CNTN4: variants seen among roughly 807,000 people sequenced by gnomAD.
CNTN4 encodes the protein contactin-4.
A neutral mutation model predicts 122.5 loss-of-function variants in CNTN4; 77 were observed. That is an observed-to-expected ratio of 0.63 (90% CI 0.52 to 0.76). CNTN4 has a LOEUF of 0.76. CNTN4 is among the 30% of genes least tolerant of loss of function. The pLI is 0.00. For missense variants in CNTN4, 1,256 were observed against 1,259.1 expected (o/e 1.00, Z 0.04); for synonymous variants, 512 against 447.0 (o/e 1.15, Z -1.83).
chr3:2,791,303 G>A (rs769947947), intron 6 of CNTN4, among the ~76,000 whole-genome samples: 3 of 152,120 alleles, frequency 2.0e-5, no homozygotes, highest in South Asian at 2.1e-4. Flanking sequence ...AAGCCAAGGC[G>A]GGCTGATCAC....
In CNTN4 at chr3:2,428,910, G is replaced by T. The variant is rs536315312; in HGVS notation, c.-89+89677G>T. 7.9e-5 allele frequency among the ~76,000 whole-genome samples: 12 copies of T among 152,294 alleles called. No homozygotes were observed. In the South Asian group the frequency reaches 2.5e-3, roughly 32 times the overall value. The stretch of plus-strand genomic sequence containing the variant: ...TGCATCAGGTAGTACTCGTGCCATG[G>T]TTTTCAGCTCCATCAGGTCATTTAA... On this transcript the variant is annotated intron_variant, in intron 3 of 24. Transcript: ENST00000418658.
At chr3:2,616,013 A>G (rs1043456123) in intron 4 of CNTN4, among the ~76,000 whole-genome samples, 3 of 138,496 alleles carry the variant, frequency 2.2e-5, no homozygotes, top group Non-Finnish European at 4.7e-5. Flanking sequence ...CTAGTTCCTC[A>G]GGCTGCCTTT....
intron 13 of CNTN4, among the ~76,000 whole-genome samples, chr3:2,947,967 C>T (rs1043697716): frequency 7.9e-5 from 12 of 151,574 alleles, no homozygotes; most frequent in Admixed American, 5.9e-4. Flanking sequence ...GTGCTGGGTG[C>T]GTTGTTTATT....
At chr3:2,846,873 A>G (rs1055400737) in intron 7 of CNTN4, among the ~76,000 whole-genome samples, 5 of 152,084 alleles carry the variant, frequency 3.3e-5, no homozygotes, top group African/African-American at 4.8e-5. Context: ...GTGCATGCCT[A>G]TAATCCCAGC....
intron 2 of CNTN4, among the ~76,000 whole-genome samples, chr3:2,276,517 G>A (rs541548513): frequency 1.8e-4 from 28 of 152,074 alleles, no homozygotes; most frequent in African/African-American, 5.8e-4. Context: ...GTCATGCTGG[G>A]TCAATTAAGT....
intron 4 of CNTN4, among the ~76,000 whole-genome samples, chr3:2,640,641 A>ATG (rs35062918): frequency 0.66 from 99,412 of 151,622 alleles, 33,696 homozygotes; most frequent in African/African-American, 0.83. Context: ...GTGTGTGTAT[A>ATG]TGTGTGTGTG....
intron 2 of CNTN4, among the ~76,000 whole-genome samples, chr3:2,239,293 TA>T (rs1449358453): frequency 6.6e-6 from 1 of 152,176 alleles, no homozygotes; most frequent in East Asian, 1.9e-4. Context: ...TCCTTGGACT[TA>T]AAAAGGATTA....
chr3:3,047,922 G>A (rs999766378), intron 23 of CNTN4, among the ~76,000 whole-genome samples: 1 of 152,104 alleles, frequency 6.6e-6, no homozygotes, highest in African/African-American at 2.4e-5. Flanking sequence ...TCAAATAGAT[G>A]CAATAAAAAA....
chr3:2,921,917 T>C (rs2094433127), intron 12 of CNTN4, among the ~76,000 whole-genome samples: 1 of 152,180 alleles, frequency 6.6e-6, no homozygotes. Flanking sequence ...AGTTGTGAAT[T>C]ACATAGAGGG....
chr3:2,704,415 A>G (rs1330982761), intron 4 of CNTN4, among the ~76,000 whole-genome samples: 1 of 152,154 alleles, frequency 6.6e-6, no homozygotes, highest in Non-Finnish European at 1.5e-5. Context: ...AATTGAAAGT[A>G]CGATATGGCT....
chr3:3,003,613 C>T (rs1262791960), intron 14 of CNTN4, among the ~76,000 whole-genome samples: 1 of 140,092 alleles, frequency 7.1e-6, no homozygotes, highest in Non-Finnish European at 1.5e-5. Flanking sequence ...AGGACTGACT[C>T]CTAATAAGTA....
At chr3:2,746,799 G>T (rs1339839267) in intron 6 of CNTN4, among the ~76,000 whole-genome samples, 2 of 152,208 alleles carry the variant, frequency 1.3e-5, no homozygotes, top group African/African-American at 4.8e-5. Context: ...TATTCTGTTA[G>T]TGAATGTCTC....
intron 6 of CNTN4, among the ~76,000 whole-genome samples, chr3:2,781,231 C>A (rs571061360): frequency 1.7e-4 from 26 of 152,274 alleles, no homozygotes; most frequent in African/African-American, 6.0e-4. Context: ...CATTTATAGT[C>A]TTTATTCATC....
chr3:2,997,944 A>G (rs1559769163), intron 14 of CNTN4, among the ~76,000 whole-genome samples: 1 of 152,210 alleles, frequency 6.6e-6, no homozygotes. Flanking sequence ...CTGTCATCTT[A>G]TTAACTTTTT....
intron 4 of CNTN4, among the ~76,000 whole-genome samples, chr3:2,611,649 C>G (rs764567650): frequency 6.6e-5 from 10 of 152,048 alleles, no homozygotes; most frequent in Non-Finnish European, 1.5e-4. Flanking sequence ...TTGCCAATAC[C>G]CAATGCATGG....
chr3:3,008,937 A>G, intron 14 of CNTN4: 1 of 985,312 alleles, frequency 1.0e-6, no homozygotes, highest in Non-Finnish European at 1.2e-6. Context: ...TTCCAAAAGA[A>G]GGGCGCCAAA....
rs531047508 is a variant in CNTN4, at chr3:2,633,383, A to G, written c.55+61825A>G. On this transcript the variant is annotated intron_variant, in intron 4 of 24. Transcript: ENST00000418658. ...CACTTCATTAGTTACATTCAGTGCT[A>G]TGCGTCCAAATTCTGCTCCTGTACA... is the stretch of plus-strand genomic sequence containing the variant. Among the ~76,000 whole-genome samples the G allele has an allele frequency of 6.6e-4, 100 of 152,318 alleles. 2 individuals are homozygous for G. Among genetic ancestry groups the G allele is most frequent in the African/African-American group, 2.4e-3 (99 of 41,572 alleles).
chr3:2,983,638 A>G (rs1577501942), intron 13 of CNTN4, among the ~76,000 whole-genome samples: 1 of 152,310 alleles, frequency 6.6e-6, no homozygotes, highest in East Asian at 1.9e-4. Context: ...AGTTACTTTT[A>G]TTATCCCATT....
At chr3:2,451,980 A>G (rs1219158640) in intron 3 of CNTN4, among the ~76,000 whole-genome samples, 1 of 152,200 alleles carries the variant, frequency 6.6e-6, no homozygotes, top group Admixed American at 6.6e-5. Flanking sequence ...GATAGATACT[A>G]TAGATTCTTA....
Sources: allele counts gnomAD v4.1 joint callset (sites outside exome capture counted in the v4.1 genomes callset), GRCh38; gene constraint gnomAD v4.1.1; transcripts MANE v1.5; gene names NCBI Gene and HGNC (gene_info 2026-07-23, HGNC 2026-07-21).